Variants in OSBPL6 observed in about 807,000 individuals in gnomAD.
The protein encoded by OSBPL6 is oxysterol binding protein like 6.
OSBPL6 carries 49 observed loss-of-function variants against 125.8 expected under a neutral mutation model. The ratio of observed to expected loss-of-function variants is 0.39; its 90% CI spans 0.31 to 0.49. The LOEUF (loss-of-function observed/expected upper bound fraction) is 0.49, where lower values mean the gene tolerates loss of function less well. Ranked by LOEUF, OSBPL6 falls within the 20% of genes least tolerant of loss-of-function variation. The probability of loss-of-function intolerance (pLI) is 0.88; values close to 1 mark genes in which losing one functional copy is unlikely to be tolerated. For synonymous variants in OSBPL6, 394 were observed against 391.8 expected (o/e 1.01, Z -0.07); for missense variants, 986 against 1,135.4 (o/e 0.87, Z 1.89).
chr2:178,356,228 T>C (rs896902326), intron 12 of OSBPL6, among the ~76,000 whole-genome samples: 1 of 152,214 alleles, frequency 6.6e-6, no homozygotes, highest in Non-Finnish European at 1.5e-5. Context: ...GTGTTGGAAG[T>C]TCTGGCCAGG....
At chr2:178,348,053 T>A (rs1690892628) in intron 11 of OSBPL6, among the ~76,000 whole-genome samples, 1 of 152,198 alleles carries the variant, frequency 6.6e-6, no homozygotes, top group Admixed American at 6.5e-5. Context: ...ATTCTTTCCA[T>A]CTCTTCCATG....
chr2:178,322,735 T>C (rs1410847329), intron 3 of OSBPL6, among the ~76,000 whole-genome samples: 1 of 152,174 alleles, frequency 6.6e-6, no homozygotes, highest in African/African-American at 2.4e-5. Context: ...AAAAATTACG[T>C]TGGAAACTTC....
intron 1 of OSBPL6, among the ~76,000 whole-genome samples, chr2:178,239,985 A>C (rs2091225145): frequency 6.6e-6 from 1 of 152,152 alleles, no homozygotes; most frequent in Non-Finnish European, 1.5e-5. Flanking sequence ...AAATTTAAGT[A>C]TATTTTATTT....
chr2:178,368,667 C>CT (rs1056317610), intron 13 of OSBPL6, among the ~76,000 whole-genome samples: 1 of 151,070 alleles, frequency 6.6e-6, no homozygotes, highest in African/African-American at 2.4e-5. Flanking sequence ...TACAGGAGAT[C>CT]TTTGGCTTTG....
rs554636947 is a variant in OSBPL6 at position 178,368,767 on chromosome 2, A to T, written c.1288-3359A>T. 1.4e-4 allele frequency among the ~76,000 whole-genome samples: 22 copies of T among 151,846 alleles called. No homozygotes were observed. In the East Asian group the frequency reaches 3.5e-3, roughly 24 times the overall value. On this transcript the variant is annotated intron_variant, in intron 13 of 24. Transcript: ENST00000190611. ...AAATGTAAAAAAATTAACAAATAAA[A>T]ATACTTCTATTTTTCTTCATCTTAA...
At chr2:178,313,069 T>C (rs555811113) in intron 3 of OSBPL6, among the ~76,000 whole-genome samples, 1 of 152,146 alleles carries the variant, frequency 6.6e-6, no homozygotes, top group Admixed American at 6.5e-5. Context: ...CTAATTTTTG[T>C]ATTTTTAGTG....
chr2:178,195,299 A>C (rs989758416), intron 1 of OSBPL6, among the ~76,000 whole-genome samples: 3 of 151,598 alleles, frequency 2.0e-5, no homozygotes, highest in African/African-American at 7.3e-5. Context: ...GCCTCCGTCC[A>C]CTCCCCCGGC....
At chr2:178,203,469 G>A (rs560460175) in intron 1 of OSBPL6, among the ~76,000 whole-genome samples, 6 of 152,270 alleles carry the variant, frequency 3.9e-5, no homozygotes, top group Non-Finnish European at 8.8e-5. Flanking sequence ...AAATATCTCC[G>A]TATCTCTACT....
At chr2:178,359,363 C>T (rs1692111975) in intron 12 of OSBPL6, among the ~76,000 whole-genome samples, 1 of 152,118 alleles carries the variant, frequency 6.6e-6, no homozygotes, top group African/African-American at 2.4e-5. Context: ...GCGCCACCAC[C>T]TCACACCTGT....
chr2:178,305,814 A>T (rs1298188194), intron 2 of OSBPL6, among the ~76,000 whole-genome samples: 2 of 149,962 alleles, frequency 1.3e-5, no homozygotes, highest in South Asian at 2.1e-4. Context: ...ACTTTAGTAC[A>T]TGATTTCTTC....
chr2:178,220,031 C>T (rs758449567), intron 1 of OSBPL6, among the ~76,000 whole-genome samples: 1 of 152,122 alleles, frequency 6.6e-6, no homozygotes, highest in Non-Finnish European at 1.5e-5. Flanking sequence ...GAGATATCGA[C>T]AGAGGATAAT....
At chr2:178,388,687 C>T (rs1284811860) in intron 20 of OSBPL6, among the ~76,000 whole-genome samples, 1 of 152,206 alleles carries the variant, frequency 6.6e-6, no homozygotes, top group African/African-American at 2.4e-5. Context: ...ACTCTTCCTT[C>T]TGTGTTCCGA....
At chr2:178,348,239 GT>G (rs1442573913) in intron 11 of OSBPL6, among the ~76,000 whole-genome samples, 40 of 152,360 alleles carry the variant, frequency 2.6e-4, no homozygotes, top group African/African-American at 9.4e-4. Context: ...GCCAGGGGGT[GT>G]GAATTATCCT....
At chr2:178,307,159 G>A (rs1163924397) in intron 3 of OSBPL6, among the ~76,000 whole-genome samples, 2 of 151,894 alleles carry the variant, frequency 1.3e-5, no homozygotes, top group South Asian at 2.1e-4. Context: ...CTCACCCCCT[G>A]TTTTATGTTT....
At chr2:178,289,566 T>C (rs2154041827) in intron 2 of OSBPL6, among the ~76,000 whole-genome samples, 1 of 152,336 alleles carries the variant, frequency 6.6e-6, no homozygotes, top group Non-Finnish European at 1.5e-5. Context: ...ACAATATGAA[T>C]GATACTTCTT....
intron 6 of OSBPL6, 55 bp from the exon 7 acceptor site, chr2:178,332,586 C>G: frequency 7.6e-7 from 1 of 1,316,900 alleles, no homozygotes; most frequent in Non-Finnish European, 1.1e-6. Flanking sequence ...AAATACAGTA[C>G]AGAAACATCA....
intron 1 of OSBPL6, among the ~76,000 whole-genome samples, chr2:178,199,799 A>G (rs1027650051): frequency 1.3e-5 from 2 of 152,152 alleles, no homozygotes; most frequent in African/African-American, 4.8e-5. Flanking sequence ...TGAAATGCTA[A>G]TTATAGTTCT....
chr2:178,204,505 G>C (rs576928291), intron 1 of OSBPL6, among the ~76,000 whole-genome samples: 1 of 152,212 alleles, frequency 6.6e-6, no homozygotes, highest in South Asian at 2.1e-4. Context: ...TAGTAACCTA[G>C]TGTAGTCTTT....
Position 178,395,976 on chromosome 2 carries a change from GACTCCTGGGCC to G in OSBPL6, c.*420_*430del. On this transcript the variant is annotated 3_prime_UTR_variant, in exon 25 of 25. Transcript: ENST00000190611. Reference sequence around the variant, plus strand: ...CTGGAAGCACCATCCCCTATCGCAGGACTCCTGGGCCACAAGCAGTCGGTCAGTGCAGACTT... The same window carrying G: ...CTGGAAGCACCATCCCCTATCGCAGGACAAGCAGTCGGTCAGTGCAGACTT... The G allele has an allele frequency of 2.8e-6, 1 of 354,268 alleles. No homozygotes were observed. Among genetic ancestry groups the G allele is most frequent in the Non-Finnish European group, 5.5e-6 (1 of 182,774 alleles). The allele number at this position is 354,268 out of a possible 1,614,324, so 21.9% of individuals were successfully genotyped here.
Sources: gnomAD v4.1 joint callset for allele counts (sites outside exome capture counted in the v4.1 genomes callset) on GRCh38, gnomAD v4.1.1 for gene constraint, MANE v1.5 for transcripts, NCBI Gene and HGNC (gene_info 2026-07-23, HGNC 2026-07-21) for gene names.